PAPOLA: variants seen among roughly 807,000 people sequenced by gnomAD.
PAPOLA encodes the protein poly(A) polymerase alpha.
In PAPOLA, 15 loss-of-function variants were observed where a neutral mutation model predicts 100.6. That is an observed-to-expected ratio of 0.15 (90% CI 0.10 to 0.23). The LOEUF is 0.23. PAPOLA is among the 10% of genes least tolerant of loss of function. The pLI is 1.00. For missense variants in PAPOLA, 533 were observed against 884.2 expected, an observed-to-expected ratio of 0.60 and a Z score of 5.04; for synonymous variants, 293 against 300.0, an observed-to-expected ratio of 0.98 and a Z score of 0.24.
At position 96,502,491 on chromosome 14, in the gene PAPOLA, G is replaced by A. The variant is rs751220284; in HGVS notation, c.-102G>A. The A allele has an allele frequency of 3.2e-6, 3 of 926,174 alleles. No individual in the cohort carries two copies. The highest frequency in any genetic ancestry group is 1.7e-5 in the African/African-American group (1 of 59,696). The allele number at this position is 926,174 out of a possible 1,614,324, so 57.4% of individuals were successfully genotyped here. On this transcript the variant is annotated 5_prime_UTR_variant, in exon 1 of 22. Transcript: ENST00000216277. ...GGAGAGGGGTTGGACCCAGGGCTGA[G>A]GCAGGCCCCCCCCTCCCTCCCGCCT...
intron 16 of PAPOLA, among the ~76,000 whole-genome samples, chr14:96,549,163 CATT>C (rs1900629865): frequency 6.6e-6 from 1 of 152,032 alleles, no homozygotes; most frequent in Non-Finnish European, 1.5e-5. Context: ...TTATCACCAT[CATT>C]GTTATTCACA....
At chr14:96,513,319 T>G (rs1470588437) in intron 1 of PAPOLA, among the ~76,000 whole-genome samples, 1 of 152,164 alleles carries the variant, frequency 6.6e-6, no homozygotes. Flanking sequence ...TCTTCCTACC[T>G]CAGCCTCCCA....
intron 1 of PAPOLA, among the ~76,000 whole-genome samples, chr14:96,506,288 T>G (rs1410869979): frequency 6.6e-6 from 1 of 152,218 alleles, no homozygotes; most frequent in African/African-American, 2.4e-5. Flanking sequence ...TTATTAAATC[T>G]TGACACTTTG....
chr14:96,522,701 G>A (rs1898104016), intron 3 of PAPOLA, among the ~76,000 whole-genome samples: 1 of 152,138 alleles, frequency 6.6e-6, no homozygotes, highest in Admixed American at 6.5e-5. Flanking sequence ...CACTGCCCCA[G>A]CCCCTTTGAG....
intron 17 of PAPOLA, among the ~76,000 whole-genome samples, chr14:96,555,219 T>C (rs1011275862): frequency 1.3e-5 from 2 of 150,882 alleles, no homozygotes; most frequent in Non-Finnish European, 3.0e-5. Flanking sequence ...CATAACTTTT[T>C]TTTTTTTTAA....
Position 96,562,881 on chromosome 14 carries a change from G to C in PAPOLA, c.2130G>C (p.Leu710=), listed in dbSNP as rs1476704287. The C allele has an allele frequency of 1.9e-6, 3 of 1,609,916 alleles. No individual in the cohort carries two copies. The South Asian group carries it at 3.3e-5, about 18-fold the overall frequency. ...AAACTATTCAGACAGCGGCTTCTCT[G>C]TTGGCCTCTCAGGTACTAAGTGCAA... The part of the protein sequence containing the change: ...QSETIQTAAS[L]LASQKTSSTD... The change falls in exon 21 of 22, where the codon CTG becomes CTC. Residue 710 remains leucine (L), a synonymous_variant. Coordinates refer to ENST00000216277, the MANE Select transcript of PAPOLA (RefSeq NM_032632.5).
chr14:96,514,002 G>C lies in PAPOLA; in HGVS notation c.9-6053G>C, dbSNP rs542441379. Reference sequence around the variant, plus strand: ...TTTAAATATTTCTGAAATAGCATCTGGGTTTTAGATTTTACTATGGACAGT... The same window carrying C: ...TTTAAATATTTCTGAAATAGCATCTCGGTTTTAGATTTTACTATGGACAGT... On this transcript the variant is annotated intron_variant, in intron 1 of 21. Coordinates refer to ENST00000216277, the MANE Select transcript of PAPOLA (RefSeq NM_032632.5). 6.4e-4 allele frequency among the ~76,000 whole-genome samples: 97 copies of C among 152,048 alleles called. 1 individual carries two copies. The highest frequency in any genetic ancestry group is 6.8e-3 in the Middle Eastern group (2 of 294).
At chr14:96,529,626 G>T (rs1037477366) in intron 6 of PAPOLA, among the ~76,000 whole-genome samples, 2 of 152,022 alleles carry the variant, frequency 1.3e-5, no homozygotes, top group African/African-American at 4.8e-5. Context: ...GGAGACTGAG[G>T]CAGGAGAATC....
rs533034509 is a variant in PAPOLA, at chr14:96,527,948, T to C, written c.442-5T>C. The stretch of plus-strand genomic sequence containing the variant: ...AGACCCTGAACTTGTTTACTTTCCT[T>C]ATAGGCTGTTGAAGAGGCATTCGTA... On this transcript the variant is annotated splice_region_variant and splice_polypyrimidine_tract_variant and intron_variant, in intron 5 of 21. Coordinates refer to ENST00000216277, the MANE Select transcript of PAPOLA (RefSeq NM_032632.5). 6.2e-7 allele frequency: 1 copy of C among 1,601,346 alleles called. No individual in the cohort carries two copies. Among genetic ancestry groups the C allele is most frequent in the South Asian group, 1.1e-5 (1 of 90,806 alleles).
chr14:96,506,716 T>A (rs935006931), intron 1 of PAPOLA, among the ~76,000 whole-genome samples: 5 of 152,242 alleles, frequency 3.3e-5, no homozygotes, highest in African/African-American at 1.2e-4. Flanking sequence ...GAATGTTTTT[T>A]AATATTTGGT....
intron 12 of PAPOLA, among the ~76,000 whole-genome samples, chr14:96,539,732 C>A (rs1175535388): frequency 6.6e-6 from 1 of 152,022 alleles, no homozygotes; most frequent in East Asian, 1.9e-4. Context: ...CGTACATCAA[C>A]AAAATGTCTA....
intron 3 of PAPOLA, among the ~76,000 whole-genome samples, chr14:96,524,277 G>A (rs1197880995): frequency 6.6e-6 from 1 of 152,100 alleles, no homozygotes; most frequent in Non-Finnish European, 1.5e-5. Context: ...AAACCGTAAA[G>A]CTTGGGACTT....
At chr14:96,540,810 A>C (rs1016390225) in intron 12 of PAPOLA, among the ~76,000 whole-genome samples, 7 of 152,206 alleles carry the variant, frequency 4.6e-5, no homozygotes, top group Non-Finnish European at 1.0e-4. Flanking sequence ...AATGTGTACT[A>C]TTATCCCATT....
intron 21 of PAPOLA, among the ~76,000 whole-genome samples, chr14:96,564,294 A>T (rs1158401771): frequency 1.3e-5 from 2 of 152,084 alleles, no homozygotes; most frequent in Non-Finnish European, 2.9e-5. Context: ...TTGATAATTG[A>T]TGAAGCTGGG....
At chr14:96,553,998 T>C (rs1901079527) in intron 17 of PAPOLA, among the ~76,000 whole-genome samples, 1 of 152,232 alleles carries the variant, frequency 6.6e-6, no homozygotes, top group Non-Finnish European at 1.5e-5. Flanking sequence ...CTGTAAGTGT[T>C]ATCATTTTAA....
intron 12 of PAPOLA, among the ~76,000 whole-genome samples, chr14:96,541,724 A>G (rs1900008134): frequency 6.6e-6 from 1 of 152,124 alleles, no homozygotes; most frequent in South Asian, 2.1e-4. Flanking sequence ...AAATTGGGAA[A>G]AAAATCACAG....
chr14:96,545,822 A>G (rs1900351935), intron 15 of PAPOLA, among the ~76,000 whole-genome samples: 1 of 152,032 alleles, frequency 6.6e-6, no homozygotes, highest in South Asian at 2.1e-4. Context: ...GCTGAACACC[A>G]CAGAAGTATT....
chr14:96,530,860 G>T (rs1898945062), intron 6 of PAPOLA, among the ~76,000 whole-genome samples: 1 of 152,148 alleles, frequency 6.6e-6, no homozygotes, highest in Non-Finnish European at 1.5e-5. Context: ...TGTCACCCAG[G>T]CTGGAGTGCG....
intron 18 of PAPOLA, 75 bp from the exon 19 acceptor site, chr14:96,556,100 A>G: frequency 1.5e-6 from 2 of 1,315,108 alleles, no homozygotes; most frequent in Admixed American, 1.8e-5. Context: ...AATCAAATTC[A>G]GAGAAACAAA....
Sources: gnomAD v4.1 joint callset for allele counts (sites outside exome capture counted in the v4.1 genomes callset) on GRCh38, gnomAD v4.1.1 for gene constraint, MANE v1.5 for transcripts, NCBI Gene and HGNC (gene_info 2026-07-23, HGNC 2026-07-21) for gene names.